The following KIF1B variants were observed in gnomAD, a reference collection of about 807,000 sequenced individuals.
The protein encoded by KIF1B is kinesin-like protein KIF1B.
KIF1B carries 76 observed loss-of-function variants against 241.9 expected under a neutral mutation model. The ratio of observed to expected loss-of-function variants is 0.31; its 90% CI spans 0.26 to 0.38. KIF1B has a LOEUF of 0.38. Ranked by LOEUF, KIF1B falls within the 10% of genes least tolerant of loss-of-function variation. The pLI, the probability that KIF1B is intolerant of heterozygous loss-of-function variation, is 1.00. For synonymous variants in KIF1B, 750 were observed against 796.7 expected (o/e 0.94, Z 0.99); for missense variants, 1,622 against 2,271.4 (o/e 0.71, Z 5.81).
At chr1:10,343,197 T>C in intron 33 of KIF1B, 35 bp from the exon 34 acceptor site, 2 of 1,611,192 alleles carry the variant, frequency 1.2e-6, no homozygotes, top group Non-Finnish European at 1.7e-6. Flanking sequence ...AAATAACTCT[T>C]TATAGTCTTG....
rs369417443 is a variant in KIF1B, at chr1:10,365,444, G to A, written c.4548G>A (p.Glu1516=). 1 of 1,614,054 alleles carries A rather than the reference G, an allele frequency of 6.2e-7. No individual in the cohort carries two copies. The highest frequency in any genetic ancestry group is 8.5e-7 in the Non-Finnish European group (1 of 1,180,046). The change falls in exon 43 of 49, where the codon GAG becomes GAA. Residue 1516 remains glutamate, a synonymous_variant. Transcript: ENST00000676179. This position sits in a 1 kb window ranked among gnomAD's most constrained non-coding sequence, Gnocchi z 4.0. ...EKTRHFLLLR[E]RLGDSIPKSL... ...CCCGCCACTTTTTGCTGCTGCGTGA[G>A]AGACTTGGTGACAGCATCCCCAAAT...
intron 12 of KIF1B, among the ~76,000 whole-genome samples, chr1:10,277,675 A>G (rs2102224961): frequency 6.6e-6 from 1 of 152,214 alleles, no homozygotes; most frequent in South Asian, 2.1e-4. Flanking sequence ...TCATTACTTT[A>G]GTCTGGAACT....
rs1451906514 is a variant in KIF1B at position 10,339,809 on chromosome 1, C to T, written c.3463C>T (p.Leu1155Phe). 2 of 1,614,002 alleles carry T rather than the reference C, an allele frequency of 1.2e-6. No individual in the cohort carries two copies. The highest frequency in any genetic ancestry group is 1.7e-6 in the Non-Finnish European group (2 of 1,180,018). Residue 1155 changes from leucine (L) to phenylalanine (F), a missense_variant, in exon 32 of 49, where the codon CTC becomes TTC. Leu to Phe is a conservative substitution (Grantham distance 22, BLOSUM62 0). Around this residue, in one of 7 missense-constraint regions of KIF1B, gnomAD observed 803 missense variants for 1,112.0 expected, o/e 0.72. Coordinates refer to ENST00000676179, the MANE Select transcript of KIF1B (RefSeq NM_001365951.3). ...RHDEAFSTEP[L>F]KNNGRGSPLA... is the part of the protein sequence containing the mutation. ...TGATGAAGCATTCTCCACGGAGCCC[C>T]TCAAAAACAATGGCAGAGGAAGTCC...
At chr1:10,275,745 C>A (rs1013049468) in intron 11 of KIF1B, among the ~76,000 whole-genome samples, 1 of 152,126 alleles carries the variant, frequency 6.6e-6, no homozygotes, top group Non-Finnish European at 1.5e-5. Context: ...TAGTTGTCCT[C>A]CCGACTCCCC....
chr1:10,262,160 G>A (rs745610302), intron 5 of KIF1B, among the ~76,000 whole-genome samples, 190 bp downstream of exon 5: 32 of 151,808 alleles, frequency 2.1e-4, no homozygotes, highest in Admixed American at 3.3e-4. Flanking sequence ...TGGGGGGTGC[G>A]CGGTGGGGAC....
intron 7 of KIF1B, among the ~76,000 whole-genome samples, chr1:10,270,239 C>T (rs952463458): frequency 7.9e-5 from 12 of 152,024 alleles, no homozygotes; most frequent in African/African-American, 2.7e-4. Flanking sequence ...TTTCTCTATC[C>T]CTTCTTCTGT....
chr1:10,265,200 TTTTATTTATTTATTTA>T (rs148747154), intron 5 of KIF1B, among the ~76,000 whole-genome samples: 34,618 of 138,368 alleles, frequency 0.25, 4,765 homozygotes, highest in Admixed American at 0.32. Flanking sequence ...TTAAAATGGA[TTTTATTTATTTATTTA>T]TTTATTTATT....
intron 1 of KIF1B, among the ~76,000 whole-genome samples, chr1:10,218,326 G>C (rs1026172907): frequency 6.6e-6 from 1 of 151,846 alleles, no homozygotes; most frequent in South Asian, 2.1e-4. Flanking sequence ...TGAACTTTTG[G>C]CTACTTCTGT....
chr1:10,300,698 T>C (rs949292900), intron 22 of KIF1B, among the ~76,000 whole-genome samples: 3 of 152,242 alleles, frequency 2.0e-5, no homozygotes, highest in Non-Finnish European at 4.4e-5. Context: ...GTTTATGTTC[T>C]GTAAAATTCA....
chr1:10,369,311 G>T (rs939479502), intron 44 of KIF1B, among the ~76,000 whole-genome samples: 1 of 152,330 alleles, frequency 6.6e-6, no homozygotes, highest in South Asian at 2.1e-4. Context: ...GTACATGGAA[G>T]GTGCACCACT....
At chr1:10,228,514 G>C (rs1646939457) in intron 1 of KIF1B, among the ~76,000 whole-genome samples, 1 of 152,216 alleles carries the variant, frequency 6.6e-6, no homozygotes, top group African/African-American at 2.4e-5. Context: ...TCTTGCAACA[G>C]GGTTAAGCAG....
chr1:10,302,908 A>G (rs113483896), intron 22 of KIF1B, among the ~76,000 whole-genome samples: 10 of 152,194 alleles, frequency 6.6e-5, no homozygotes, highest in African/African-American at 1.9e-4. Flanking sequence ...TTAAGCCAGA[A>G]AGTGGAAATT....
chr1:10,230,610 AT>A (rs1646967895), intron 1 of KIF1B, among the ~76,000 whole-genome samples: 1 of 151,732 alleles, frequency 6.6e-6, no homozygotes, highest in Non-Finnish European at 1.5e-5. Flanking sequence ...TAATTTTTGT[AT>A]TTTTAATAGA....
chr1:10,224,538 C>T (rs979675103), intron 1 of KIF1B, among the ~76,000 whole-genome samples: 1 of 152,106 alleles, frequency 6.6e-6, no homozygotes, highest in Non-Finnish European at 1.5e-5. Flanking sequence ...CCCACCTCAG[C>T]CTCTCAAGTA....
intron 22 of KIF1B, among the ~76,000 whole-genome samples, chr1:10,300,520 A>G (rs749219939): frequency 2.0e-5 from 3 of 152,072 alleles, no homozygotes; most frequent in African/African-American, 7.2e-5. Flanking sequence ...GAGTTTAAAG[A>G]TAACTTTTGT....
chr1:10,360,659 T>C (rs927832373), intron 38 of KIF1B, among the ~76,000 whole-genome samples: 2 of 139,276 alleles, frequency 1.4e-5, no homozygotes, highest in African/African-American at 5.5e-5. Flanking sequence ...CACTCCAGTA[T>C]GGGCAACAGA....
At chr1:10,278,977 T>C in intron 13 of KIF1B, 120 bp from the exon 14 acceptor site, 1 of 585,420 alleles carries the variant, frequency 1.7e-6, no homozygotes, top group Non-Finnish European at 3.2e-6. Flanking sequence ...AATGATACCG[T>C]ATTCTAAGTA....
chr1:10,260,982 C>A (rs890509517), intron 4 of KIF1B, among the ~76,000 whole-genome samples: 5 of 137,288 alleles, frequency 3.6e-5, no homozygotes, highest in Non-Finnish European at 6.3e-5. Context: ...TTTTTTCTTT[C>A]TTGAGACAGA....
rs1351725261 is a variant in KIF1B, at chr1:10,380,911, T to C, written c.*4324T>C. The C allele has an allele frequency of 4.6e-6, 1 of 219,536 alleles. No individual in the cohort carries two copies. The highest frequency in any genetic ancestry group is 9.2e-6 in the Non-Finnish European group (1 of 109,188). 13.6% of individuals were successfully genotyped at this position (219,536 alleles called of 1,614,324 possible). On this transcript the variant is annotated 3_prime_UTR_variant, in exon 49 of 49. Transcript: ENST00000676179. Reference sequence around the variant, plus strand: ...AAATATCAGCTGAGAGATTATTTGCTGCTGTTATTCAAAAGGCCATTTATG... The same window carrying C: ...AAATATCAGCTGAGAGATTATTTGCCGCTGTTATTCAAAAGGCCATTTATG...
Sources: gnomAD v4.1 joint callset for allele counts (sites outside exome capture counted in the v4.1 genomes callset) on GRCh38, gnomAD v4.1.1 for gene constraint, gnomAD v4.1.1 regional missense constraint, Gnocchi (gnomAD v3.1) non-coding constraint, MANE v1.5 for transcripts, NCBI Gene and HGNC (gene_info 2026-07-23, HGNC 2026-07-21) for gene names.